The following ACAN variants were observed in gnomAD, a reference collection of about 807,000 sequenced individuals.
The protein encoded by ACAN is aggrecan core protein.
Under a neutral mutation model 169.1 loss-of-function variants are expected in ACAN, and 47 were observed. The observed-to-expected ratio is 0.28, with a 90% CI of 0.22 to 0.35. The LOEUF (loss-of-function observed/expected upper bound fraction) is 0.35. Among genes scored for constraint, ACAN ranks in the 10% least tolerant of loss-of-function variants. The probability of loss-of-function intolerance (pLI) is 1.00; values close to 1 mark genes in which losing one functional copy is unlikely to be tolerated. For synonymous variants in ACAN, 1,115 were observed against 1,112.2 expected (o/e 1.00, Z -0.05); for missense variants, 2,716 against 2,759.9 (o/e 0.98, Z 0.36).
In ACAN at chr15:88,857,894, C is replaced by T; in HGVS notation, c.5309C>T (p.Ser1770Phe). ...SGQPGISGEA[S>F]GVLYGTSQPF... ...CAACCAGGTATTAGTGGAGAAGCAT[C>T]TGGAGTTCTTTATGGCACTAGTCAA... is the stretch of plus-strand genomic sequence containing the variant. The change falls in exon 12 of 19, where the codon TCT becomes TTT. Residue 1770 changes from serine (S) to phenylalanine (F), a missense_variant. Transcript: ENST00000560601. 1 of 1,613,492 alleles carries T rather than the reference C, an allele frequency of 6.2e-7. No individual in the cohort carries two copies. Among genetic ancestry groups the T allele is most frequent in the Non-Finnish European group, 8.5e-7 (1 of 1,179,656 alleles).
chr15:88,836,964 C>T (rs1322257703), intron 2 of ACAN, among the ~76,000 whole-genome samples: 3 of 152,238 alleles, frequency 2.0e-5, no homozygotes, highest in Non-Finnish European at 2.9e-5. Context: ...TCAACCCTCT[C>T]CAAAGGAAGG....
Position 88,857,281 on chromosome 15 carries a change from C to G in ACAN, c.4696C>G (p.Leu1566Val). 2 of 1,612,750 alleles carry G rather than the reference C, an allele frequency of 1.2e-6. No homozygotes were observed. The highest frequency in any genetic ancestry group is 1.7e-6 in the Non-Finnish European group (2 of 1,179,554). Residue 1566 changes from leucine (L) to valine (V), a missense_variant, in exon 12 of 19, where the codon CTC (leucine) becomes GTC (valine). Leu to Val is a conservative substitution (Grantham distance 32). Transcript: ENST00000560601. ...CTCTGCTTCTGAAGTAGGGACTGAC[C>G]TCAGTGGGCTTCCTTCTGGAAGGGA... is the stretch of plus-strand genomic sequence containing the variant. The part of the protein sequence containing the change: ...ETSASEVGTD[L>V]SGLPSGREGL...
intron 11 of ACAN, among the ~76,000 whole-genome samples, chr15:88,853,047 G>A (rs1443441903): frequency 1.3e-5 from 2 of 152,168 alleles, no homozygotes; most frequent in Non-Finnish European, 2.9e-5. Context: ...CCTCTGTAGA[G>A]CAGGGGAGAG....
At chr15:88,808,089 G>A (rs957111343) in intron 1 of ACAN, among the ~76,000 whole-genome samples, 1 of 152,128 alleles carries the variant, frequency 6.6e-6, no homozygotes, top group Non-Finnish European at 1.5e-5. Context: ...AGGGGTGAGG[G>A]TAAGAAGGAG....
rs4080952 is a variant in ACAN, at chr15:88,855,594, C to T, written c.3009C>T (p.Thr1003=). 73,867 of 241,004 alleles carry T rather than the reference C, an allele frequency of 0.31. 9,039 individuals are homozygous for T. The highest frequency in any genetic ancestry group is 0.45 in the African/African-American group (8,467 of 18,980). The allele number at this position is 241,004 out of a possible 1,614,324, so 14.9% of individuals were successfully genotyped here. Reference sequence around the variant, plus strand: ...TTCCTTCTGGAGAAGTTCTAGAGACCACTGCCCCTGGAGTAGAGGACATCA... The same window carrying T: ...TTCCTTCTGGAGAAGTTCTAGAGACTACTGCCCCTGGAGTAGAGGACATCA... ...SGLPSGEVLE[T]TAPGVEDISG... is the part of the protein sequence containing the mutation. Residue 1003 remains threonine, a synonymous_variant, in exon 12 of 19, where the codon ACC becomes ACT. Transcript: ENST00000560601.
intron 1 of ACAN, among the ~76,000 whole-genome samples, chr15:88,829,421 G>T (rs151199917): frequency 6.4e-4 from 98 of 152,214 alleles, no homozygotes; most frequent in Non-Finnish European, 1.1e-3. Context: ...ATCCCACCAC[G>T]TCTGTTTAGA....
intron 1 of ACAN, among the ~76,000 whole-genome samples, chr15:88,825,484 AAGGTATGAATTC>A (rs1236765147): frequency 6.6e-6 from 1 of 152,206 alleles, no homozygotes; most frequent in Admixed American, 6.5e-5. Context: ...TTATGAGTCA[AAGGTATGAATTC>A]AGGTTGTGTT....
At chr15:88,845,045 C>T (rs1168874092) in intron 6 of ACAN, among the ~76,000 whole-genome samples, 1 of 152,206 alleles carries the variant, frequency 6.6e-6, no homozygotes, top group Non-Finnish European at 1.5e-5. Flanking sequence ...GACTATGAGA[C>T]AGGCAGTTCT....
rs540232480 is a variant in ACAN at position 88,848,307 on chromosome 15, G to A, written c.1732+269G>A. ...CTTTAAAAAGCAATGAGGTCTGTGG[G>A]TAAATCTCAGTTTATTATAAATAAA... On this transcript the variant is annotated intron_variant, in intron 9 of 18. Coordinates refer to ENST00000560601, the MANE Select transcript of ACAN (RefSeq NM_001369268.1). Among the ~76,000 whole-genome samples, 6 of 152,338 alleles carry A rather than the reference G, an allele frequency of 3.9e-5. No homozygotes were observed. The East Asian group carries it at 1.2e-3, about 29-fold the overall frequency.
intron 1 of ACAN, among the ~76,000 whole-genome samples, chr15:88,834,994 G>A (rs1443857367): frequency 1.3e-5 from 2 of 152,180 alleles, no homozygotes; most frequent in Non-Finnish European, 2.9e-5. Context: ...TCACAGACCT[G>A]TGTACTTATT....
intron 12 of ACAN, 70 bp downstream of exon 12, chr15:88,859,487 G>A: frequency 1.3e-6 from 2 of 1,545,984 alleles, no homozygotes; most frequent in Non-Finnish European, 1.8e-6. Context: ...AGCACAGAAG[G>A]AGGCAGCATA....
intron 1 of ACAN, among the ~76,000 whole-genome samples, chr15:88,828,459 G>C (rs930973895): frequency 6.6e-6 from 1 of 151,882 alleles, no homozygotes; most frequent in African/African-American, 2.4e-5. Flanking sequence ...CCTCACTTCT[G>C]TTAGATGTGT....
chr15:88,829,023 G>T (rs1231869121), intron 1 of ACAN, among the ~76,000 whole-genome samples: 1 of 152,188 alleles, frequency 6.6e-6, no homozygotes, highest in Non-Finnish European at 1.5e-5. Context: ...TGGCCTTGAA[G>T]GGTTTATCTC....
chr15:88,849,962 G>A lies in ACAN; in HGVS notation c.2026+231G>A. The A allele has an allele frequency of 1.5e-6, 1 of 657,230 alleles. No individual in the cohort carries two copies. Among genetic ancestry groups the A allele is most frequent in the East Asian group, 2.7e-5 (1 of 36,676 alleles). 40.7% of individuals were successfully genotyped at this position (657,230 alleles called of 1,614,324 possible). A position where few individuals can be genotyped will look rare whatever the true frequency, so the allele number is the denominator to read the frequency against. On this transcript the variant is annotated intron_variant, in intron 10 of 18. Coordinates refer to ENST00000560601, the MANE Select transcript of ACAN (RefSeq NM_001369268.1). The surrounding 1 kb of genome is among the most constrained non-coding windows in gnomAD (Gnocchi z 5.1). Reference sequence around the variant, plus strand: ...TAGAGATAAATAAGAACTTGAGCTGGTATTTATGTCTACTAGAAATGAAGC... The same window carrying A: ...TAGAGATAAATAAGAACTTGAGCTGATATTTATGTCTACTAGAAATGAAGC...
intron 11 of ACAN, among the ~76,000 whole-genome samples, 165 bp downstream of exon 11, chr15:88,852,198 T>C (rs1313206375): frequency 1.3e-5 from 2 of 152,212 alleles, no homozygotes; most frequent in Non-Finnish European, 2.9e-5. Flanking sequence ...CCACCTCAGC[T>C]GGCCTCTAGG....
Position 88,872,825 on chromosome 15 carries a change from AG to A in ACAN, c.7303-54del. The A allele has an allele frequency of 1.3e-6, 2 of 1,583,126 alleles. No individual in the cohort carries two copies. Among genetic ancestry groups the A allele is most frequent in the South Asian group, 2.3e-5 (2 of 88,146 alleles). On this transcript the variant is annotated intron_variant, in intron 16 of 18. Coordinates refer to ENST00000560601, the MANE Select transcript of ACAN (RefSeq NM_001369268.1). The surrounding 1 kb of genome is among the most constrained non-coding windows in gnomAD (Gnocchi z 5.4). ...GCTCCACGGGGAAGACAGTCGGAGC[AG>A]GCCAACCCGCACTGTCCTGCCCTCT...
chr15:88,826,405 G>C (rs1249898900), intron 1 of ACAN, among the ~76,000 whole-genome samples: 1 of 145,478 alleles, frequency 6.9e-6, no homozygotes, highest in African/African-American at 2.6e-5. Flanking sequence ...GAGCCCCTGG[G>C]AAATTTGCCT....
chr15:88,835,178 C>T (rs1896470838), intron 1 of ACAN, among the ~76,000 whole-genome samples: 1 of 152,130 alleles, frequency 6.6e-6, no homozygotes, highest in Non-Finnish European at 1.5e-5. Flanking sequence ...TTTTCCCTGA[C>T]ATGAACCAGG....
At chr15:88,847,825 G>C in intron 8 of ACAN, 86 bp from the exon 9 acceptor site, 3 of 1,482,464 alleles carry the variant, frequency 2.0e-6, no homozygotes, top group Non-Finnish European at 2.7e-6. Context: ...CCAAGTCCCT[G>C]AGTAGCCTCT....
Sources: allele counts gnomAD v4.1 joint callset (sites outside exome capture counted in the v4.1 genomes callset), GRCh38; gene constraint gnomAD v4.1.1; non-coding constraint Gnocchi (gnomAD v3.1); transcripts MANE v1.5; gene names NCBI Gene and HGNC (gene_info 2026-07-23, HGNC 2026-07-21).